NCOA1: variants seen among roughly 807,000 people sequenced by gnomAD.
NCOA1 encodes Hin-2 protein.
A neutral mutation model predicts 150.9 loss-of-function variants in NCOA1; 35 were observed. That is an observed-to-expected ratio of 0.23 (90% CI 0.18 to 0.31). The LOEUF (loss-of-function observed/expected upper bound fraction) is 0.31, where lower values mean the gene tolerates loss of function less well. NCOA1 is among the 10% of genes least tolerant of loss of function. The probability of loss-of-function intolerance (pLI) is 1.00; values close to 1 mark genes in which losing one functional copy is unlikely to be tolerated. For synonymous variants in NCOA1, 590 were observed against 630.0 expected, an observed-to-expected ratio of 0.94 and a Z score of 0.95; for missense variants, 1,491 against 1,749.3, an observed-to-expected ratio of 0.85 and a Z score of 2.63.
At chr2:24,686,063 A>G (rs1195544564) in intron 8 of NCOA1, among the ~76,000 whole-genome samples, 1 of 152,116 alleles carries the variant, frequency 6.6e-6, no homozygotes, top group Non-Finnish European at 1.5e-5. Flanking sequence ...GTGCGATGGC[A>G]TGATCTCAGC....
At chr2:24,678,153 C>G (rs777327116) in intron 7 of NCOA1, among the ~76,000 whole-genome samples, 4 of 152,188 alleles carry the variant, frequency 2.6e-5, no homozygotes, top group Non-Finnish European at 5.9e-5. Context: ...TTTGATGTTC[C>G]TGCATTAATT....
At chr2:24,510,452 CCCAT>C (rs1448066267) in intron 1 of NCOA1, among the ~76,000 whole-genome samples, 2 of 152,070 alleles carry the variant, frequency 1.3e-5, no homozygotes, top group Non-Finnish European at 2.9e-5. Context: ...GCTCAAGTGA[CCCAT>C]CTTGGCCTCC....
chr2:24,587,494 T>G (rs930941420), intron 3 of NCOA1, among the ~76,000 whole-genome samples: 2 of 152,190 alleles, frequency 1.3e-5, no homozygotes, highest in African/African-American at 2.4e-5. Flanking sequence ...ATTATTTCAT[T>G]TTAAAAATAA....
At chr2:24,507,572 C>G (rs1243712585) in intron 1 of NCOA1, among the ~76,000 whole-genome samples, 1 of 150,884 alleles carries the variant, frequency 6.6e-6, no homozygotes, top group African/African-American at 2.4e-5. Context: ...AAACATTTAT[C>G]ATTTCTTTGT....
chr2:24,493,973 G>T (rs985140956), intron 1 of NCOA1, among the ~76,000 whole-genome samples: 1 of 152,192 alleles, frequency 6.6e-6, no homozygotes, highest in Non-Finnish European at 1.5e-5. Context: ...GGTGCTAACT[G>T]GTGTATATTG....
chr2:24,732,090 A>G (rs1355743361), intron 17 of NCOA1, among the ~76,000 whole-genome samples: 1 of 152,236 alleles, frequency 6.6e-6, no homozygotes, highest in Middle Eastern at 3.2e-3. Context: ...CCAAGGGTCT[A>G]GGTCAGGTTC....
chr2:24,690,356 A>G (rs1318555709), intron 8 of NCOA1, among the ~76,000 whole-genome samples: 2 of 152,076 alleles, frequency 1.3e-5, no homozygotes, highest in African/African-American at 4.8e-5. Context: ...GTTTGGGAAC[A>G]GTAAAAAAGC....
At chr2:24,537,583 A>T (rs1665213481) in intron 1 of NCOA1, among the ~76,000 whole-genome samples, 1 of 151,952 alleles carries the variant, frequency 6.6e-6, no homozygotes, top group Non-Finnish European at 1.5e-5. Context: ...TTGGGGAGAA[A>T]GGTGAGGAAA....
rs1227483898 is a variant in NCOA1 at position 24,707,461 on chromosome 2, C to G, written c.1991C>G (p.Ser664Cys). The change falls in exon 13 of 23, where the codon TCC (serine) becomes TGC (cysteine). Residue 664 changes from serine (S) to cysteine (C), a missense_variant. Physicochemically the swap from Ser to Cys is moderately radical, Grantham distance 112. Around this residue, in one of 8 missense-constraint regions of NCOA1, gnomAD observed 703 missense variants for 717.7 expected, o/e 0.98. Coordinates refer to ENST00000348332, the MANE Select transcript of NCOA1 (RefSeq NM_003743.5). Reference protein sequence around the residue: ...CKDVLSCTGTSNSASANSSGG... With the variant: ...CKDVLSCTGTCNSASANSSGG... ...GATGTCCTGTCTTGCACAGGCACTT[C>G]CAACTCTGCCTCTGCTAACTCTTCA... 6.2e-7 allele frequency: 1 copy of G among 1,614,232 alleles called. No homozygotes were observed. The highest frequency in any genetic ancestry group is 1.7e-5 in the Admixed American group (1 of 60,032).
intron 19 of NCOA1, among the ~76,000 whole-genome samples, chr2:24,742,830 T>A (rs1214803632): frequency 6.6e-6 from 1 of 151,798 alleles, no homozygotes; most frequent in Non-Finnish European, 1.5e-5. Flanking sequence ...AGTTTTTTCA[T>A]TGTGTGGGAG....
At chr2:24,738,095 A>G (rs1663418294) in intron 17 of NCOA1, among the ~76,000 whole-genome samples, 1 of 152,122 alleles carries the variant, frequency 6.6e-6, no homozygotes, top group African/African-American at 2.4e-5. Context: ...CATTTATATT[A>G]TAATGAGCTT....
At chr2:24,606,359 C>T (rs1243815054) in intron 3 of NCOA1, among the ~76,000 whole-genome samples, 2 of 152,204 alleles carry the variant, frequency 1.3e-5, no homozygotes, top group South Asian at 2.1e-4. Flanking sequence ...GTCTCAGCCT[C>T]CCAGGTAGCT....
At chr2:24,579,839 A>G (rs1667129569) in intron 2 of NCOA1, among the ~76,000 whole-genome samples, 1 of 152,228 alleles carries the variant, frequency 6.6e-6, no homozygotes, top group African/African-American at 2.4e-5. Flanking sequence ...ACAAGCTTCA[A>G]GTTAGCTTGA....
At chr2:24,637,918 A>T (rs1307190615) in intron 3 of NCOA1, among the ~76,000 whole-genome samples, 1 of 148,566 alleles carries the variant, frequency 6.7e-6, no homozygotes, top group East Asian at 1.9e-4. Flanking sequence ...CTGGTCTTGA[A>T]CTCCCGAGCT....
intron 19 of NCOA1, among the ~76,000 whole-genome samples, chr2:24,748,464 G>C (rs542428644): frequency 6.6e-6 from 1 of 152,056 alleles, no homozygotes; most frequent in African/African-American, 2.4e-5. Flanking sequence ...ACAAAAATTA[G>C]TTGGGTGTGG....
chr2:24,645,857 A>G (rs1038372150), intron 4 of NCOA1, among the ~76,000 whole-genome samples: 33 of 152,176 alleles, frequency 2.2e-4, no homozygotes, highest in Non-Finnish European at 3.8e-4. Context: ...GGAGCAATAA[A>G]TGAATTAAGT....
chr2:24,697,516 A>G (rs1207894375), intron 10 of NCOA1, 142 bp from the exon 11 acceptor site: 1 of 781,466 alleles, frequency 1.3e-6, no homozygotes, highest in Non-Finnish European at 2.0e-6. Context: ...CATAACTATA[A>G]TAAAAATTAA....
chr2:24,615,304 G>A (rs965157458), intron 3 of NCOA1, among the ~76,000 whole-genome samples: 15 of 152,176 alleles, frequency 9.9e-5, no homozygotes, highest in Non-Finnish European at 4.4e-5. Context: ...CTGCTCAACT[G>A]CTTGTTACTA....
At chr2:24,723,289 C>A (rs961442995) in intron 14 of NCOA1, among the ~76,000 whole-genome samples, 2 of 152,098 alleles carry the variant, frequency 1.3e-5, no homozygotes, top group African/African-American at 4.8e-5. Context: ...GCATAAAGAG[C>A]ATCTTTATTC....
Sources: allele counts gnomAD v4.1 joint callset (sites outside exome capture counted in the v4.1 genomes callset), GRCh38; gene constraint gnomAD v4.1.1; regional missense constraint gnomAD v4.1.1; transcripts MANE v1.5; gene names NCBI Gene and HGNC (gene_info 2026-07-23, HGNC 2026-07-21).